PARD3B: variants seen among roughly 807,000 people sequenced by gnomAD.
The protein encoded by PARD3B is par-3 family cell polarity regulator beta.
A neutral mutation model predicts 130.2 loss-of-function variants in PARD3B; 103 were observed. That is an observed-to-expected ratio of 0.79 (90% confidence interval 0.67 to 0.93). PARD3B has a LOEUF of 0.93. PARD3B is among the 40% of genes least tolerant of loss of function. PARD3B has a pLI of 0.00. For missense variants in PARD3B, 1,609 were observed against 1,499.2 expected (o/e 1.07, Z -1.21); for synonymous variants, 583 against 553.2 (o/e 1.05, Z -0.76).
At chr2:205,603,266 CCAGT>C in intron 22 of PARD3B, among the ~76,000 whole-genome samples, 2 of 152,198 alleles carry the variant, frequency 1.3e-5, no homozygotes, top group Admixed American at 1.3e-4. Flanking sequence ...TGTCTTACTT[CCAGT>C]TATGTGATCA....
In PARD3B at chr2:205,122,100, C is replaced by T. The variant is rs866145136; in HGVS notation, c.1165+151C>T. The T allele has an allele frequency of 5.3e-5, 37 of 701,128 alleles. No individual in the cohort carries two copies. In the Middle Eastern group the frequency reaches 2.3e-3, roughly 44 times the overall value. 43.4% of individuals were successfully genotyped at this position (701,128 alleles called of 1,614,324 possible). A position where few individuals can be genotyped will look rare whatever the true frequency, so the allele number is the denominator to read the frequency against. ...GTGTATACTTAGGTAACTTAAATTT[C>T]TTGAAATTGTACTTTTTTATTCTTT... On this transcript the variant is annotated intron_variant, in intron 8 of 22. Coordinates refer to ENST00000406610, the MANE Select transcript of PARD3B (RefSeq NM_001302769.2). This position sits in a 1 kb window ranked among gnomAD's most constrained non-coding sequence, Gnocchi z 4.3.
intron 2 of PARD3B, among the ~76,000 whole-genome samples, chr2:204,920,297 C>T (rs905816966): frequency 3.3e-5 from 5 of 152,178 alleles, no homozygotes; most frequent in Admixed American, 6.5e-5. Context: ...GAGAGAGGCT[C>T]TGCATGTATT....
At chr2:205,533,301 C>T (rs909422410) in intron 21 of PARD3B, among the ~76,000 whole-genome samples, 2 of 152,046 alleles carry the variant, frequency 1.3e-5, no homozygotes, top group Non-Finnish European at 2.9e-5. Context: ...AGGAACACCC[C>T]AGTGCCCAGA....
chr2:204,965,388 ATT>A, intron 3 of PARD3B, 65 bp downstream of exon 3: 1 of 1,475,490 alleles, frequency 6.8e-7, no homozygotes, highest in East Asian at 2.3e-5. Context: ...TTGATTAGGC[ATT>A]GTTTCTTCTT....
In PARD3B at chr2:205,078,711, C is replaced by T. The variant is rs1352667469; in HGVS notation, c.505-25715C>T. Among the ~76,000 whole-genome samples the T allele has an allele frequency of 7.9e-5, 12 of 152,134 alleles. No individual in the cohort carries two copies. The highest frequency in any genetic ancestry group is 2.2e-4 in the African/African-American group (9 of 41,430). ...CCAGTGACTTAATTGAAAATCATAG[C>T]GTGCAGCAGACATTGTGTGACTTCT... On this transcript the variant is annotated intron_variant, in intron 4 of 22. Coordinates refer to ENST00000406610, the MANE Select transcript of PARD3B (RefSeq NM_001302769.2). The surrounding 1 kb of genome is among the most constrained non-coding windows in gnomAD (Gnocchi z 4.0).
chr2:205,391,432 G>C (rs1040238876), intron 18 of PARD3B, among the ~76,000 whole-genome samples: 1 of 152,140 alleles, frequency 6.6e-6, no homozygotes, highest in African/African-American at 2.4e-5. Flanking sequence ...ATCATGAAAA[G>C]GAAGAAGACA....
intron 4 of PARD3B, among the ~76,000 whole-genome samples, chr2:205,049,107 C>T (rs541282033): frequency 6.6e-6 from 1 of 152,246 alleles, no homozygotes; most frequent in East Asian, 1.9e-4. Flanking sequence ...TCTGTGTACC[C>T]TAAAACGAGA....
At chr2:205,448,290 G>T (rs1280546812) in intron 20 of PARD3B, among the ~76,000 whole-genome samples, 2 of 152,188 alleles carry the variant, frequency 1.3e-5, no homozygotes, top group East Asian at 3.8e-4. Flanking sequence ...GAAAATCACA[G>T]AAGTCAGTGG....
chr2:205,193,443 G>A (rs2036503385), intron 15 of PARD3B, 123 bp downstream of exon 15: 2 of 696,228 alleles, frequency 2.9e-6, no homozygotes, highest in South Asian at 1.9e-5. Context: ...GAAGCCTGGA[G>A]GAAGGGATAA....
At chr2:205,587,643 A>T (rs1187359010) in intron 22 of PARD3B, among the ~76,000 whole-genome samples, 1 of 152,078 alleles carries the variant, frequency 6.6e-6, no homozygotes, top group African/African-American at 2.4e-5. Flanking sequence ...TCAGGCAAGC[A>T]CTCAGGTATT....
At chr2:204,996,852 G>C (rs1190288343) in intron 3 of PARD3B, among the ~76,000 whole-genome samples, 6 of 147,256 alleles carry the variant, frequency 4.1e-5, no homozygotes, top group African/African-American at 7.5e-5. Flanking sequence ...TTCCAGGTGC[G>C]TCCGTCACCC....
intron 2 of PARD3B, among the ~76,000 whole-genome samples, chr2:204,788,664 T>A (rs1313319582): frequency 6.6e-6 from 1 of 152,196 alleles, no homozygotes; most frequent in Non-Finnish European, 1.5e-5. Flanking sequence ...AATTATTACA[T>A]GGTCCAGCAC....
At chr2:205,505,944 T>C (rs1196774644) in intron 21 of PARD3B, among the ~76,000 whole-genome samples, 1 of 152,136 alleles carries the variant, frequency 6.6e-6, no homozygotes, top group Non-Finnish European at 1.5e-5. Flanking sequence ...TGTAGACACA[T>C]GGTTGGGAAG....
In PARD3B at chr2:205,341,598, G is replaced by T. The variant is rs1173353412; in HGVS notation, c.2630+39897G>T. 2.0e-5 allele frequency among the ~76,000 whole-genome samples: 3 copies of T among 152,068 alleles called. No homozygotes were observed. The highest frequency in any genetic ancestry group is 4.4e-5 in the Non-Finnish European group (3 of 67,968). On this transcript the variant is annotated intron_variant, in intron 18 of 22. Coordinates refer to ENST00000406610, the MANE Select transcript of PARD3B (RefSeq NM_001302769.2). The surrounding 1 kb of genome is among the most constrained non-coding windows in gnomAD (Gnocchi z 4.3). Reference sequence around the variant, plus strand: ...GTGGCTATTAGAGGCTGGGAAGCATGGGGGAAGGAGAGGGTAGGGAGAGGT... The same window carrying T: ...GTGGCTATTAGAGGCTGGGAAGCATTGGGGAAGGAGAGGGTAGGGAGAGGT...
chr2:205,474,955 G>A (rs377713750), intron 20 of PARD3B, among the ~76,000 whole-genome samples: 61 of 152,144 alleles, frequency 4.0e-4, no homozygotes, highest in African/African-American at 5.1e-4. Context: ...TTTTCAGCTC[G>A]CCTCAGCCGT....
intron 16 of PARD3B, among the ~76,000 whole-genome samples, chr2:205,259,117 T>C (rs886486295): frequency 1.9e-4 from 29 of 152,302 alleles, no homozygotes; most frequent in African/African-American, 7.0e-4. Context: ...TCTTATTTTT[T>C]GGTCCCGCAA....
chr2:204,729,374 C>T lies in PARD3B; in HGVS notation c.222+43092C>T, dbSNP rs575132095. On this transcript the variant is annotated intron_variant, in intron 2 of 22. Transcript: ENST00000406610. ...CCGTATTCCTTGGGTTCTTGCCTAC[C>T]CCCTTAAGGAGAAGAGGCCAATTGT... Among the ~76,000 whole-genome samples, 53 of 152,178 alleles carry T rather than the reference C, an allele frequency of 3.5e-4. 1 individual carries two copies. Among genetic ancestry groups the T allele is most frequent in the Middle Eastern group, 3.4e-3 (1 of 294 alleles).
intron 1 of PARD3B, among the ~76,000 whole-genome samples, chr2:204,644,551 C>A (rs892831204): frequency 6.6e-6 from 1 of 151,968 alleles, no homozygotes; most frequent in Non-Finnish European, 1.5e-5. Context: ...AATATGTGGT[C>A]TCTTTCAAAA....
intron 10 of PARD3B, among the ~76,000 whole-genome samples, chr2:205,144,207 T>C (rs1171482540): frequency 6.6e-6 from 1 of 152,214 alleles, no homozygotes; most frequent in African/African-American, 2.4e-5. Flanking sequence ...ATAAATATAC[T>C]TCAGGCATGT....
Sources: gnomAD v4.1 joint callset for allele counts (sites outside exome capture counted in the v4.1 genomes callset) on GRCh38, gnomAD v4.1.1 for gene constraint, Gnocchi (gnomAD v3.1) non-coding constraint, MANE v1.5 for transcripts, NCBI Gene and HGNC (gene_info 2026-07-23, HGNC 2026-07-21) for gene names.